Variants in IDUA observed in about 807,000 individuals in gnomAD.
The protein encoded by IDUA is iduronidase alpha-L-.
In IDUA, 65 loss-of-function variants were observed where a neutral mutation model predicts 68.9. The observed-to-expected ratio is 0.94, with a 90% CI of 0.77 to 1.16. The LOEUF (loss-of-function observed/expected upper bound fraction) is 1.16, where lower values mean the gene tolerates loss of function less well. Among genes scored for constraint, IDUA ranks in the 50% most tolerant of loss-of-function variants. The pLI is 0.00. For missense variants in IDUA, 1,046 were observed against 938.0 expected, an observed-to-expected ratio of 1.12 and a Z score of -1.50; for synonymous variants, 529 against 433.6, an observed-to-expected ratio of 1.22 and a Z score of -2.73.
At chr4:989,469 C>T (rs1714048571) in intron 2 of IDUA, 2 of 1,553,954 alleles carry the variant, frequency 1.3e-6, no homozygotes. Context: ...CGCCAGCCAG[C>T]AGCCCGGCCT....
rs1459786307 is a variant in IDUA at position 1,000,959 on chromosome 4, T to G, written c.463T>G (p.Leu155Val). The G allele has an allele frequency of 4.3e-6, 7 of 1,613,272 alleles. No homozygotes were observed. The highest frequency in any genetic ancestry group is 5.9e-6 in the Non-Finnish European group (7 of 1,179,824). Residue 155 changes from leucine to valine, a missense_variant, in exon 4 of 14, where the codon TTG (leucine) becomes GTG (valine). By Grantham distance (32) the Leu-to-Val change is conservative. Coordinates refer to ENST00000514224, the MANE Select transcript of IDUA (RefSeq NM_000203.5). ...DKQQVFEWKD[L>V]VSSLARRYIG... is the part of the protein sequence containing the mutation. ...GCAGCAGGTGTTTGAGTGGAAGGAC[T>G]TGGTCTCCAGCCTGGCCAGGAGATA...
At chr4:989,940 TG>T in intron 2 of IDUA, 1 of 1,556,652 alleles carries the variant, frequency 6.4e-7, no homozygotes, top group East Asian at 2.4e-5. Context: ...GCCTGGGCTC[TG>T]GGACCTGAGG....
At chr4:989,371 T>G in intron 2 of IDUA, 2 of 1,585,596 alleles carry the variant, frequency 1.3e-6, no homozygotes, top group Non-Finnish European at 1.7e-6. Context: ...TGTGGCATCC[T>G]CGTAGAAGGC....
In IDUA at chr4:1,001,712, G is replaced by A. The variant is rs1430681871; in HGVS notation, c.623G>A (p.Gly208Asp). The A allele has an allele frequency of 2.5e-6, 4 of 1,599,394 alleles. No individual in the cohort carries two copies. Among genetic ancestry groups the A allele is most frequent in the African/African-American group, 1.3e-5 (1 of 74,860 alleles). Residue 208 changes from glycine to aspartate, a missense_variant, in exon 6 of 14, where the codon GGT becomes GAT. Physicochemically the swap from Gly to Asp is moderately conservative, Grantham distance 94. Transcript: ENST00000514224. ...FLNYYDACSE[G>D]LRAASPALRL... Reference sequence around the variant, plus strand: ...AACTACTACGATGCCTGCTCGGAGGGTCTGCGCGCCGCCAGCCCCGCCCTG... The same window carrying A: ...AACTACTACGATGCCTGCTCGGAGGATCTGCGCGCCGCCAGCCCCGCCCTG...
chr4:1,002,764 G>T lies in IDUA; in HGVS notation c.1222G>T (p.Ala408Ser). The T allele has an allele frequency of 6.7e-7, 1 of 1,484,990 alleles. No homozygotes were observed. 92.0% of individuals were successfully genotyped at this position (1,484,990 alleles called of 1,614,324 possible). Reference protein sequence around the residue: ...EEQLWAEVSQAGTVLDSNHTV... With the variant: ...EEQLWAEVSQSGTVLDSNHTV... The stretch of plus-strand genomic sequence containing the variant: ...GCAGCTCTGGGCCGAAGTGTCGCAG[G>T]CCGGGACCGTCCTGGACAGCAACCA... Residue 408 changes from alanine (A) to serine (S), a missense_variant, in exon 9 of 14, where the codon GCC becomes TCC. Ala to Ser is a moderately conservative substitution (Grantham distance 99). Coordinates refer to ENST00000514224, the MANE Select transcript of IDUA (RefSeq NM_000203.5).
At position 987,905 on chromosome 4, in the gene IDUA, C is replaced by T. The variant is rs983913564; in HGVS notation, c.255C>T (p.Ile85=). ...TGGGCGCCGTCCCTCACCGCGGCAT[C>T]AAGCAGGTCCGGACCCACTGGCTGC... The part of the protein sequence containing the change: ...AYVGAVPHRG[I]KQVRTHWLLE... The change falls in exon 2 of 14, where the codon ATC becomes ATT. Residue 85 remains isoleucine, a synonymous_variant. Transcript: ENST00000514224. 1 of 1,606,520 alleles carries T rather than the reference C, an allele frequency of 6.2e-7. No individual in the cohort carries two copies. Among genetic ancestry groups the T allele is most frequent in the Non-Finnish European group, 8.5e-7 (1 of 1,177,316 alleles).
chr4:997,364 G>A (rs1327143750), intron 2 of IDUA, among the ~76,000 whole-genome samples: 1 of 137,838 alleles, frequency 7.3e-6, no homozygotes. Flanking sequence ...AGGAGAGCGC[G>A]GCCCTGCTCC....
Position 1,003,931 on chromosome 4 carries a change from G to A in IDUA, c.1728-81G>A, listed in dbSNP as rs202162512. On this transcript the variant is annotated intron_variant, in intron 12 of 13. Coordinates refer to ENST00000514224, the MANE Select transcript of IDUA (RefSeq NM_000203.5). ...GGGGCTTGAGGGAATGAGGCTGTGG[G>A]TCCACGCGGCCGTGCCCTGCCTGCT... 8 of 1,150,402 alleles carry A rather than the reference G, an allele frequency of 7.0e-6. No individual in the cohort carries two copies. In the East Asian group the frequency reaches 1.9e-4, roughly 27 times the overall value. 71.3% of individuals were successfully genotyped at this position (1,150,402 alleles called of 1,614,324 possible).
intron 2 of IDUA, chr4:990,484 G>T: frequency 1.0e-6 from 1 of 998,038 alleles, no homozygotes; most frequent in Non-Finnish European, 1.4e-6. Context: ...CTGTGTTGCG[G>T]CCCCGTGTGT....
chr4:997,205 G>C lies in IDUA; in HGVS notation c.300-3407G>C, dbSNP rs550153126. 1.9e-3 allele frequency among the ~76,000 whole-genome samples: 294 copies of C among 152,202 alleles called. 1 individual carries two copies. Among genetic ancestry groups the C allele is most frequent in the Non-Finnish European group, 2.9e-3 (197 of 67,962 alleles). On this transcript the variant is annotated intron_variant, in intron 2 of 13. Transcript: ENST00000514224. ...GAGCTCCGAGGTCTGGAGAAGAGGA[G>C]GCCCCGGCCCGCACCCTCTAGCACC... is the stretch of plus-strand genomic sequence containing the variant.
intron 2 of IDUA, chr4:991,158 G>A (rs769831908): frequency 1.2e-5 from 19 of 1,559,148 alleles, no homozygotes; most frequent in Middle Eastern, 1.9e-4. Flanking sequence ...GCGTGAGGGC[G>A]GTGGCGACAC....
chr4:987,733 G>T, intron 1 of IDUA, 76 bp from the exon 2 acceptor site: 1 of 1,600,120 alleles, frequency 6.2e-7, no homozygotes. Context: ...GGCAGTCCTG[G>T]GCTTGAACGT....
chr4:990,444 G>A (rs1333450923), intron 2 of IDUA: 1 of 1,362,636 alleles, frequency 7.3e-7, no homozygotes, highest in Admixed American at 2.4e-5. Context: ...GGCCCGAGGG[G>A]TGGTGGTCAC....
chr4:990,740 G>C, intron 2 of IDUA: 1 of 394,062 alleles, frequency 2.5e-6, no homozygotes, highest in East Asian at 4.6e-5. Context: ...GAGCCAACGG[G>C]GGCCAAGGTG....
At chr4:1,000,359 T>C (rs1432975667) in intron 2 of IDUA, among the ~76,000 whole-genome samples, 1 of 152,230 alleles carries the variant, frequency 6.6e-6, no homozygotes, top group Non-Finnish European at 1.5e-5. Flanking sequence ...CTCAGAGCCA[T>C]TCCGAACCCC....
rs1577538719 is a variant in IDUA, at chr4:1,001,382, C to G, written c.494-86C>G. 4.5e-6 allele frequency: 5 copies of G among 1,106,720 alleles called. No homozygotes were observed. The Admixed American group carries it at 8.4e-5, about 19-fold the overall frequency. The allele number at this position is 1,106,720 out of a possible 1,614,324, so 68.6% of individuals were successfully genotyped here. On this transcript the variant is annotated intron_variant, in intron 4 of 13. Transcript: ENST00000514224. ...GATGGGGTTCATCTTGAGTCAGACG[C>G]CCTTCATCACCTTGCACCCTCCCTC...
chr4:989,333 C>G, intron 2 of IDUA: 1 of 1,607,346 alleles, frequency 6.2e-7, no homozygotes, highest in Non-Finnish European at 8.5e-7. Context: ...ACCCGCACGC[C>G]GGGCTCAGGG....
intron 2 of IDUA, 84 bp downstream of exon 2, chr4:988,033 AC>A: frequency 6.7e-7 from 1 of 1,489,082 alleles, no homozygotes; most frequent in Non-Finnish European, 9.0e-7. Context: ...TGCTCGGAAG[AC>A]CCCTTGTTCC....
At chr4:998,013 G>A (rs1378000294) in intron 2 of IDUA, among the ~76,000 whole-genome samples, 3 of 152,228 alleles carry the variant, frequency 2.0e-5, no homozygotes, top group African/African-American at 7.2e-5. Context: ...ACCGTGCCCC[G>A]CTACTCCAAC....
Sources: allele counts gnomAD v4.1 joint callset (sites outside exome capture counted in the v4.1 genomes callset), GRCh38; gene constraint gnomAD v4.1.1; transcripts MANE v1.5; gene names NCBI Gene and HGNC (gene_info 2026-07-23, HGNC 2026-07-21).